Variants in EYS observed in about 807,000 individuals in gnomAD.
EYS encodes the protein EGF-like photoreceptor maintenance factor.
Under a neutral mutation model 282.1 loss-of-function variants are expected in EYS, and 250 were observed. The ratio of observed to expected loss-of-function variants is 0.89; its 90% CI spans 0.80 to 0.98. EYS has a LOEUF of 0.98. Ranked by LOEUF, EYS falls within the 50% of genes least tolerant of loss-of-function variation. The pLI is 0.00. For missense variants in EYS, 4,016 were observed against 3,709.0 expected (o/e 1.08, Z -2.15); for synonymous variants, 1,355 against 1,282.9 (o/e 1.06, Z -1.20).
rs1768306294 is a variant in EYS at position 65,284,486 on chromosome 6, G to T, written c.2023+11377C>A. On this transcript the variant is annotated intron_variant, in intron 12 of 42. Coordinates refer to ENST00000503581, the MANE Select transcript of EYS (RefSeq NM_001142800.2). ...TGCTTATAACTATTAAAATTGAAAA[G>T]TTAATATCTATTATAGTGAATATTA... Among the ~76,000 whole-genome samples, 5 of 151,908 alleles carry T rather than the reference G, an allele frequency of 3.3e-5. 1 individual carries two copies. In the South Asian group the frequency reaches 1.0e-3, roughly 31 times the overall value.
chr6:64,246,743 A>C (rs982009368), intron 30 of EYS, among the ~76,000 whole-genome samples: 1 of 152,172 alleles, frequency 6.6e-6, no homozygotes, highest in Non-Finnish European at 1.5e-5. Context: ...CCATAGATAC[A>C]TTCTGAGATA....
intron 31 of EYS, among the ~76,000 whole-genome samples, chr6:64,090,938 C>G (rs1009359984): frequency 6.4e-4 from 97 of 152,128 alleles, no homozygotes; most frequent in Non-Finnish European, 1.3e-3. Flanking sequence ...TATTTAAACA[C>G]AAATTTGAAT....
At chr6:64,473,829 A>G (rs1226269941) in intron 26 of EYS, among the ~76,000 whole-genome samples, 1 of 152,114 alleles carries the variant, frequency 6.6e-6, no homozygotes, top group Non-Finnish European at 1.5e-5. Context: ...AAGACTGTAG[A>G]CCGCCTATGG....
intron 31 of EYS, among the ~76,000 whole-genome samples, chr6:64,107,297 A>G (rs1195056348): frequency 1.0e-4 from 13 of 126,336 alleles, no homozygotes; most frequent in African/African-American, 2.5e-4. Context: ...ATATATATAT[A>G]TATATATATA....
At chr6:64,115,697 C>T (rs1218144440) in intron 31 of EYS, among the ~76,000 whole-genome samples, 1 of 152,156 alleles carries the variant, frequency 6.6e-6, no homozygotes, top group Non-Finnish European at 1.5e-5. Flanking sequence ...AAGGTCTTTA[C>T]CCACTTAAAC....
chr6:64,359,306 A>G (rs1771929686), intron 29 of EYS, among the ~76,000 whole-genome samples: 1 of 151,730 alleles, frequency 6.6e-6, no homozygotes, highest in African/African-American at 2.4e-5. Flanking sequence ...ATGAGAATGC[A>G]TTTGTTTATT....
intron 1 of EYS, among the ~76,000 whole-genome samples, chr6:65,704,607 T>C (rs538508077): frequency 6.6e-6 from 1 of 152,324 alleles, no homozygotes; most frequent in East Asian, 1.9e-4. Context: ...TAACTTAATA[T>C]TCGGTTATAT....
At chr6:65,680,843 C>CTCTA (rs1418483156) in intron 1 of EYS, among the ~76,000 whole-genome samples, 1 of 151,992 alleles carries the variant, frequency 6.6e-6, no homozygotes, top group African/African-American at 2.4e-5. Context: ...AATTCTCACA[C>CTCTA]TCTACCTCGA....
At chr6:64,792,148 T>A (rs1218343398) in intron 22 of EYS, among the ~76,000 whole-genome samples, 1 of 151,848 alleles carries the variant, frequency 6.6e-6, no homozygotes, top group East Asian at 1.9e-4. Context: ...ATTCATCCAT[T>A]ATGGTATGAT....
At chr6:65,148,343 C>G (rs1310350961) in intron 12 of EYS, among the ~76,000 whole-genome samples, 1 of 152,108 alleles carries the variant, frequency 6.6e-6, no homozygotes, top group Non-Finnish European at 1.5e-5. Flanking sequence ...CTAGCCAAAA[C>G]AAAGGGGCTA....
chr6:63,962,724 A>G (rs1766127137), intron 35 of EYS, among the ~76,000 whole-genome samples: 2 of 152,230 alleles, frequency 1.3e-5, no homozygotes. Context: ...ATCTAGAACT[A>G]GAAATACCAT....
At chr6:64,036,640 T>C (rs1770135752) in intron 33 of EYS, among the ~76,000 whole-genome samples, 1 of 152,154 alleles carries the variant, frequency 6.6e-6, no homozygotes, top group South Asian at 2.1e-4. Context: ...GAGAAAAGGA[T>C]AGTTTGAGTT....
intron 14 of EYS, among the ~76,000 whole-genome samples, chr6:64,947,285 C>G (rs1317928068): frequency 6.6e-6 from 1 of 151,748 alleles, no homozygotes; most frequent in Non-Finnish European, 1.5e-5. Flanking sequence ...ACAAACATAA[C>G]AATGAAACAT....
intron 19 of EYS, among the ~76,000 whole-genome samples, chr6:64,879,757 CTA>C (rs1314234104): frequency 6.6e-6 from 1 of 151,870 alleles, no homozygotes; most frequent in African/African-American, 2.4e-5. Flanking sequence ...TTTGATATAA[CTA>C]TGTGGGGAGG....
intron 37 of EYS, among the ~76,000 whole-genome samples, chr6:63,803,792 T>C (rs1000702121): frequency 6.6e-6 from 1 of 152,154 alleles, no homozygotes. Flanking sequence ...TCTCTTTCTA[T>C]GTAAAGCTCC....
At chr6:64,392,922 G>A (rs1331820037) in intron 28 of EYS, among the ~76,000 whole-genome samples, 5 of 151,956 alleles carry the variant, frequency 3.3e-5, no homozygotes, top group African/African-American at 7.2e-5. Flanking sequence ...TCAAATAGAC[G>A]CAATAAAAAA....
intron 19 of EYS, among the ~76,000 whole-genome samples, chr6:64,862,370 A>G (rs138915509): frequency 4.6e-5 from 7 of 152,126 alleles, no homozygotes; most frequent in Non-Finnish European, 8.8e-5. Context: ...TTTTTCAGCT[A>G]TTCATTTTGT....
chr6:64,283,383 C>A (rs1355898391), intron 30 of EYS, among the ~76,000 whole-genome samples: 1 of 152,124 alleles, frequency 6.6e-6, no homozygotes, highest in East Asian at 1.9e-4. Context: ...TAGTTTGTAG[C>A]CTGTCTTCTA....
chr6:64,883,999 C>G (rs1254929974), intron 19 of EYS, among the ~76,000 whole-genome samples: 1 of 151,510 alleles, frequency 6.6e-6, no homozygotes, highest in East Asian at 1.9e-4. Flanking sequence ...CCTTGATCAT[C>G]ACAAAACCTC....
Sources: gnomAD v4.1 joint callset for allele counts (sites outside exome capture counted in the v4.1 genomes callset) on GRCh38, gnomAD v4.1.1 for gene constraint, MANE v1.5 for transcripts, NCBI Gene and HGNC (gene_info 2026-07-23, HGNC 2026-07-21) for gene names.